The following MPHOSPH6 variants were observed in gnomAD, a reference collection of about 807,000 sequenced individuals.
MPHOSPH6 encodes the protein M-phase phosphoprotein 6.
A neutral mutation model predicts 21.8 loss-of-function variants in MPHOSPH6; 25 were observed. The observed-to-expected ratio is 1.15, with a 90% CI of 0.83 to 1.60. The LOEUF (loss-of-function observed/expected upper bound fraction) is 1.60, where lower values mean the gene tolerates loss of function less well. Among genes scored for constraint, MPHOSPH6 ranks in the 40% most tolerant of loss-of-function variants. The pLI is 0.00. For missense variants in MPHOSPH6, 269 were observed against 181.8 expected, an observed-to-expected ratio of 1.48 and a Z score of -2.76; for synonymous variants, 84 against 56.5, an observed-to-expected ratio of 1.49 and a Z score of -2.18.
intron 1 of MPHOSPH6, 152 bp downstream of exon 1, chr16:82,169,973 G>C (rs1049030730): frequency 1.1e-6 from 1 of 899,514 alleles, no homozygotes; most frequent in East Asian, 3.2e-5. Flanking sequence ...AAACAGTGCA[G>C]AGCAGGCGCT....
In MPHOSPH6 at chr16:82,165,114, C is replaced by CTTTTTTTTT. The variant is rs1418457856; in HGVS notation, c.52-921_52-920insAAAAAAAAA. On this transcript the variant is annotated intron_variant, in intron 1 of 4. Coordinates refer to ENST00000258169, the MANE Select transcript of MPHOSPH6 (RefSeq NM_005792.2). ...TTTCCCTTATTCAGGTCCGATATTT[C>CTTTTTTTTT]TTTTTTATTTTTTTTTTTATTTTTT... Among the ~76,000 whole-genome samples the CTTTTTTTTT allele has an allele frequency of 6.9e-3, 438 of 63,888 alleles. 130 individuals are homozygous for CTTTTTTTTT. Among genetic ancestry groups the CTTTTTTTTT allele is most frequent in the Admixed American group, 0.012 (58 of 4,978 alleles). 41.9% of individuals were successfully genotyped at this position (63,888 alleles called of 152,430 possible).
chr16:82,151,972 G>A (rs1361785558), intron 2 of MPHOSPH6, among the ~76,000 whole-genome samples: 2 of 151,998 alleles, frequency 1.3e-5, no homozygotes, highest in African/African-American at 4.8e-5. Context: ...TTTGTCTTTC[G>A]TTCTCAGGGA....
At chr16:82,168,116 G>T (rs560697905) in intron 1 of MPHOSPH6, among the ~76,000 whole-genome samples, 305 of 118,388 alleles carry the variant, frequency 2.6e-3, no homozygotes, top group African/African-American at 7.8e-3. Context: ...TCCCCATTTG[G>T]TGGGGGTGGA....
chr16:82,157,518 C>G (rs554792264), intron 2 of MPHOSPH6, among the ~76,000 whole-genome samples: 3 of 152,264 alleles, frequency 2.0e-5, no homozygotes, highest in East Asian at 1.9e-4. Flanking sequence ...AAGATCTTTA[C>G]GTGATGATGG....
At chr16:82,151,365 A>G (rs764823262) in intron 3 of MPHOSPH6, 59 bp downstream of exon 3, 28 of 1,593,346 alleles carry the variant, frequency 1.8e-5, no homozygotes, top group Non-Finnish European at 2.3e-5. Flanking sequence ...AAGCCCAATT[A>G]TTAGCAGAAA....
In MPHOSPH6 at chr16:82,148,676, G is replaced by C; in HGVS notation, c.*55C>G. Reference sequence around the variant, plus strand: ...AGAGACACCATTGGGATGAGCTCCAGATGCCCTGCTGACTTCCACCAAGCA... The same window carrying C: ...AGAGACACCATTGGGATGAGCTCCACATGCCCTGCTGACTTCCACCAAGCA... On this transcript the variant is annotated 3_prime_UTR_variant, in exon 5 of 5. Transcript: ENST00000258169. The C allele has an allele frequency of 6.3e-7, 1 of 1,595,592 alleles. No individual in the cohort carries two copies. Among genetic ancestry groups the C allele is most frequent in the Non-Finnish European group, 8.5e-7 (1 of 1,170,412 alleles).
chr16:82,161,569 A>C (rs1411490951), intron 2 of MPHOSPH6, among the ~76,000 whole-genome samples: 2 of 152,244 alleles, frequency 1.3e-5, no homozygotes, highest in African/African-American at 4.8e-5. Context: ...CTAGGAATTC[A>C]CACTATATCG....
At chr16:82,149,495 C>A in intron 3 of MPHOSPH6, 92 bp from the exon 4 acceptor site, 1 of 1,060,180 alleles carries the variant, frequency 9.4e-7, no homozygotes, top group South Asian at 1.3e-5. Context: ...AAACTGAAGT[C>A]AAATAATCTA....
At position 82,149,420 on chromosome 16, in the gene MPHOSPH6, T is replaced by C. The variant is rs1196999153; in HGVS notation, c.256-17A>G. The C allele has an allele frequency of 1.2e-6, 2 of 1,606,886 alleles. No individual in the cohort carries two copies. Among genetic ancestry groups the C allele is most frequent in the Admixed American group, 1.7e-5 (1 of 60,030 alleles). ...CATCAATTTCTGAAAAATACACCAG[T>C]GCTGACCTTCAGGCTAGAAAACGCT... On this transcript the variant is annotated splice_polypyrimidine_tract_variant and intron_variant, in intron 3 of 4. Transcript: ENST00000258169.
rs1191390789 is a variant in MPHOSPH6 at position 82,170,220 on chromosome 16, C to A, written c.-45G>T. ...CGCACTCCGGCCGCGAGCCTCACCG[C>A]ACATGCGCGGAGCCGCGTGCGCAGC... On this transcript the variant is annotated 5_prime_UTR_variant, in exon 1 of 5. Transcript: ENST00000258169. 6.4e-7 allele frequency: 1 copy of A among 1,555,516 alleles called. No homozygotes were observed. Among genetic ancestry groups the A allele is most frequent in the South Asian group, 1.2e-5 (1 of 85,306 alleles).
chr16:82,165,154 G>T (rs1906732058), intron 1 of MPHOSPH6, among the ~76,000 whole-genome samples: 1 of 100,194 alleles, frequency 1.0e-5, no homozygotes, highest in Non-Finnish European at 1.8e-5. Flanking sequence ...TTGAGACAGA[G>T]TCTCACTCTG....
At chr16:82,155,381 G>C (rs1231399431) in intron 2 of MPHOSPH6, among the ~76,000 whole-genome samples, 2 of 152,080 alleles carry the variant, frequency 1.3e-5, no homozygotes, top group Non-Finnish European at 2.9e-5. Context: ...TTTTTTTGCA[G>C]ATGACATAAT....
chr16:82,151,479 C>T lies in MPHOSPH6; in HGVS notation c.200G>A (p.Cys67Tyr). ...CATTCTTCCATAGAGAAGATCTTCA[C>T]ATAGTAAGAAACTCTGCTCTTCTAT... Reference protein sequence around the residue: ...FIIEEQSFLLCEDLLYGRMSF... With the variant: ...FIIEEQSFLLYEDLLYGRMSF... The change falls in exon 3 of 5, where the codon TGT becomes TAT. Residue 67 changes from cysteine (C) to tyrosine (Y), a missense_variant. Coordinates refer to ENST00000258169, the MANE Select transcript of MPHOSPH6 (RefSeq NM_005792.2). 2.5e-6 allele frequency: 4 copies of T among 1,605,102 alleles called. No homozygotes were observed. Among genetic ancestry groups the T allele is most frequent in the Non-Finnish European group, 2.6e-6 (3 of 1,176,312 alleles).
intron 2 of MPHOSPH6, among the ~76,000 whole-genome samples, chr16:82,157,236 A>G (rs894465341): frequency 3.3e-5 from 5 of 152,206 alleles, no homozygotes; most frequent in African/African-American, 9.7e-5. Context: ...TGAAAGTGTT[A>G]TAACACTTCT....
In MPHOSPH6 at chr16:82,148,804, T is replaced by C; in HGVS notation, c.410A>G (p.Asn137Ser). The C allele has an allele frequency of 1.9e-6, 3 of 1,614,176 alleles. No individual in the cohort carries two copies. The African/African-American group carries it at 4.0e-5, about 22-fold the overall frequency. ...KKFARKRDHANYEEDENGDIT... is the reference protein window; with the variant it reads ...KKFARKRDHASYEEDENGDIT... ...GTCTCCATTTTCATCTTCTTCATAA[T>C]TGGCATGGTCTCTCTTTCTGGCAAA... Residue 137 changes from asparagine to serine, a missense_variant, in exon 5 of 5, where the codon AAT becomes AGT. Asn to Ser is a conservative substitution (Grantham distance 46). Coordinates refer to ENST00000258169, the MANE Select transcript of MPHOSPH6 (RefSeq NM_005792.2).
chr16:82,157,018 T>C (rs1283530748), intron 2 of MPHOSPH6, among the ~76,000 whole-genome samples: 2 of 152,092 alleles, frequency 1.3e-5, no homozygotes, highest in East Asian at 1.9e-4. Context: ...GCCAGTGCAC[T>C]GTAGCTTGGG....
At chr16:82,156,925 C>G (rs1329276447) in intron 2 of MPHOSPH6, among the ~76,000 whole-genome samples, 1 of 152,152 alleles carries the variant, frequency 6.6e-6, no homozygotes, top group East Asian at 1.9e-4. Flanking sequence ...TGGTGGTGCA[C>G]GCCTGTAATC....
At chr16:82,162,543 G>A (rs1217713035) in intron 2 of MPHOSPH6, among the ~76,000 whole-genome samples, 3 of 152,124 alleles carry the variant, frequency 2.0e-5, no homozygotes, top group Non-Finnish European at 4.4e-5. Flanking sequence ...CCTGTAAGGT[G>A]CTCTCTCTAC....
chr16:82,153,625 A>G (rs891119999), intron 2 of MPHOSPH6, among the ~76,000 whole-genome samples: 1 of 152,202 alleles, frequency 6.6e-6, no homozygotes. Flanking sequence ...GAGCTACACT[A>G]TGGAATTCAG....
Sources: allele counts gnomAD v4.1 joint callset (sites outside exome capture counted in the v4.1 genomes callset), GRCh38; gene constraint gnomAD v4.1.1; transcripts MANE v1.5; gene names NCBI Gene and HGNC (gene_info 2026-07-23, HGNC 2026-07-21).